PGBD5: variants seen among roughly 807,000 people sequenced by gnomAD.
The protein encoded by PGBD5 is piggyBac transposable element derived 5.
A neutral mutation model predicts 47.9 loss-of-function variants in PGBD5; 14 were observed. The observed-to-expected ratio is 0.29, with a 90% CI of 0.19 to 0.46. PGBD5 has a LOEUF of 0.46. Ranked by LOEUF, PGBD5 falls within the 20% of genes least tolerant of loss-of-function variation. The probability of loss-of-function intolerance (pLI) is 1.00; values close to 1 mark genes in which losing one functional copy is unlikely to be tolerated. For synonymous variants in PGBD5, 316 were observed against 306.3 expected, an observed-to-expected ratio of 1.03 and a Z score of -0.33; for missense variants, 635 against 716.0, an observed-to-expected ratio of 0.89 and a Z score of 1.29.
intron 5 of PGBD5, among the ~76,000 whole-genome samples, chr1:230,327,392 C>T (rs771119786): frequency 7.2e-5 from 11 of 152,164 alleles, no homozygotes; most frequent in Non-Finnish European, 1.6e-4. Flanking sequence ...AGACCAGGGT[C>T]GCGCAGATCT....
At chr1:230,361,548 G>C (rs16851572) in intron 1 of PGBD5, among the ~76,000 whole-genome samples, 19,735 of 152,184 alleles carry the variant, frequency 0.13, 2,518 homozygotes, top group African/African-American at 0.33. Flanking sequence ...ATGTATAGTG[G>C]CTTGGTAATG....
intron 1 of PGBD5, among the ~76,000 whole-genome samples, chr1:230,373,161 C>T (rs927900205): frequency 6.6e-6 from 1 of 152,176 alleles, no homozygotes; most frequent in African/African-American, 2.4e-5. Flanking sequence ...AGCTTTTGCT[C>T]AGGTGCTCAC....
At chr1:230,423,188 C>A (rs779085654) in intron 1 of PGBD5, among the ~76,000 whole-genome samples, 2 of 152,160 alleles carry the variant, frequency 1.3e-5, no homozygotes, top group African/African-American at 2.4e-5. Context: ...TCTATCAAAT[C>A]TCGATTCTGT....
intron 3 of PGBD5, among the ~76,000 whole-genome samples, chr1:230,349,706 C>A (rs1205436957): frequency 6.6e-6 from 1 of 152,144 alleles, no homozygotes; most frequent in Non-Finnish European, 1.5e-5. Flanking sequence ...ATGAACCCGA[C>A]GCACCTGTAC....
At position 230,337,094 on chromosome 1, in the gene PGBD5, C is replaced by T; in HGVS notation, c.1075+14G>A. ...GGCTGGGCCGTATCCTCACTGGCTCCCCACTTGACTAACCTTGCTTCTCAA... is the reference window on the plus strand; with the variant it reads ...GGCTGGGCCGTATCCTCACTGGCTCTCCACTTGACTAACCTTGCTTCTCAA... On this transcript the variant is annotated intron_variant, in intron 4 of 6. Transcript: ENST00000391860. The T allele has an allele frequency of 1.2e-6, 2 of 1,611,366 alleles. No homozygotes were observed.
At chr1:230,381,473 G>A (rs1225996103) in intron 1 of PGBD5, among the ~76,000 whole-genome samples, 3 of 152,210 alleles carry the variant, frequency 2.0e-5, no homozygotes, top group African/African-American at 4.8e-5. Context: ...GATGTCTCAC[G>A]CTGCAGTGGA....
chr1:230,413,642 CT>C (rs1657458949), intron 1 of PGBD5, among the ~76,000 whole-genome samples: 1 of 152,126 alleles, frequency 6.6e-6, no homozygotes, highest in South Asian at 2.1e-4. Flanking sequence ...TCATGTCATC[CT>C]TTGGTTTCCC....
At chr1:230,345,170 G>A (rs1274013992) in intron 3 of PGBD5, among the ~76,000 whole-genome samples, 4 of 152,194 alleles carry the variant, frequency 2.6e-5, no homozygotes, top group South Asian at 2.1e-4. Flanking sequence ...ACTAAAGGTC[G>A]ATGAACATTA....
At chr1:230,396,120 TCC>T (rs1389816821) in intron 1 of PGBD5, among the ~76,000 whole-genome samples, 1 of 141,938 alleles carries the variant, frequency 7.0e-6, no homozygotes, top group African/African-American at 2.7e-5. Context: ...CCCTCCACTC[TCC>T]TCCCCTTTAC....
chr1:230,348,348 G>C (rs1667506973), intron 3 of PGBD5, among the ~76,000 whole-genome samples: 1 of 152,226 alleles, frequency 6.6e-6, no homozygotes, highest in African/African-American at 2.4e-5. Context: ...TGCAAGAGCA[G>C]GGGCTGCCTA....
rs1667680996 is a variant in PGBD5 at position 230,357,939 on chromosome 1, T to C, written c.332-618A>G. 6.6e-6 allele frequency among the ~76,000 whole-genome samples: 1 copy of C among 152,028 alleles called. No homozygotes were observed. The highest frequency in any genetic ancestry group is 2.4e-5 in the African/African-American group (1 of 41,374). ...GGAAGAAAGCATGCATATACATACA[T>C]ATATATACACATGCATATATACACA... On this transcript the variant is annotated intron_variant, in intron 1 of 6. Transcript: ENST00000391860. The surrounding 1 kb of genome is among the most constrained non-coding windows in gnomAD (Gnocchi z 5.7).
chr1:230,395,652 T>C (rs928594162), intron 1 of PGBD5, among the ~76,000 whole-genome samples: 2 of 2,434 alleles, frequency 8.2e-4, no homozygotes, highest in Admixed American at 5.2e-3. Flanking sequence ...CCCACCCTCC[T>C]CCCCCTTCTC....
intron 1 of PGBD5, among the ~76,000 whole-genome samples, chr1:230,396,562 C>G (rs1386736154): frequency 7.4e-6 from 1 of 135,544 alleles, no homozygotes; most frequent in Non-Finnish European, 1.6e-5. Context: ...TTTTGTTGCC[C>G]CCCCTCCCCC....
chr1:230,336,015 C>T (rs1667319959), intron 4 of PGBD5: 1 of 152,002 alleles, frequency 6.6e-6, no homozygotes, highest in Non-Finnish European at 1.5e-5. Context: ...GGAACAGGCC[C>T]TGGAACACAC....
intron 1 of PGBD5, among the ~76,000 whole-genome samples, chr1:230,395,157 C>A (rs1172785850): frequency 2.0e-5 from 1 of 50,238 alleles, no homozygotes; most frequent in Non-Finnish European, 3.9e-5. Context: ...CCTCTCCCAC[C>A]CTCCTCCCCT....
At chr1:230,351,712 A>T (rs1667563076) in intron 2 of PGBD5, among the ~76,000 whole-genome samples, 2 of 152,132 alleles carry the variant, frequency 1.3e-5, no homozygotes, top group South Asian at 4.2e-4. Flanking sequence ...TCATCAAATG[A>T]CCCAGTTCCC....
At chr1:230,388,443 T>G (rs1571853011) in intron 1 of PGBD5, among the ~76,000 whole-genome samples, 1 of 137,512 alleles carries the variant, frequency 7.3e-6, no homozygotes, top group Non-Finnish European at 1.5e-5. Context: ...TGAGATGGAG[T>G]CTCGCTCTGT....
chr1:230,330,345 A>G (rs1341372683), intron 5 of PGBD5, among the ~76,000 whole-genome samples: 1 of 152,230 alleles, frequency 6.6e-6, no homozygotes, highest in East Asian at 1.9e-4. Context: ...CCTTTGACCC[A>G]GCACTTCCGC....
chr1:230,377,774 T>C, intron 1 of PGBD5: 5 of 1,257,790 alleles, frequency 4.0e-6, no homozygotes, highest in African/African-American at 3.1e-5. Context: ...CAGTGCAGCA[T>C]CCGGCTCATA....
Sources: gnomAD v4.1 joint callset for allele counts (sites outside exome capture counted in the v4.1 genomes callset) on GRCh38, gnomAD v4.1.1 for gene constraint, Gnocchi (gnomAD v3.1) non-coding constraint, MANE v1.5 for transcripts, NCBI Gene and HGNC (gene_info 2026-07-23, HGNC 2026-07-21) for gene names.